Variants in EFL1 observed in about 807,000 individuals in gnomAD.
The protein encoded by EFL1 is elongation factor like GTPase 1, also known as elongation factor-like GTPase 1.
In EFL1, 76 loss-of-function variants were observed where a neutral mutation model predicts 126.7. The observed-to-expected ratio is 0.60, with a 90% CI of 0.50 to 0.73. The LOEUF (loss-of-function observed/expected upper bound fraction) is 0.73, where lower values mean the gene tolerates loss of function less well. Among genes scored for constraint, EFL1 ranks in the 30% least tolerant of loss-of-function variants. EFL1 has a pLI of 0.00. For missense variants in EFL1, 1,128 were observed against 1,343.2 expected, an observed-to-expected ratio of 0.84 and a Z score of 2.50; for synonymous variants, 410 against 448.4, an observed-to-expected ratio of 0.91 and a Z score of 1.08.
chr15:82,232,895 T>C (rs1435710013), intron 7 of EFL1, among the ~76,000 whole-genome samples: 1 of 152,150 alleles, frequency 6.6e-6, no homozygotes, highest in African/African-American at 2.4e-5. Context: ...GTGGTTTCTA[T>C]TCTTCCAGGA....
intron 15 of EFL1, among the ~76,000 whole-genome samples, chr15:82,203,069 C>T (rs1156875068): frequency 6.6e-6 from 1 of 152,094 alleles, no homozygotes; most frequent in African/African-American, 2.4e-5. Context: ...CCTCAGTCTC[C>T]CATAATGCTG....
chr15:82,180,061 G>A (rs757011877), intron 15 of EFL1, among the ~76,000 whole-genome samples: 1 of 152,162 alleles, frequency 6.6e-6, no homozygotes, highest in African/African-American at 2.4e-5. Flanking sequence ...AACTGTGAGA[G>A]AGTACTAACT....
At chr15:82,260,655 C>T (rs2075104791) in intron 2 of EFL1, among the ~76,000 whole-genome samples, 1 of 152,156 alleles carries the variant, frequency 6.6e-6, no homozygotes, top group African/African-American at 2.4e-5. Flanking sequence ...GTATAGTTTT[C>T]ATCCTGTTTT....
chr15:82,241,479 G>A, intron 4 of EFL1, 76 bp from the exon 5 acceptor site: 1 of 1,486,052 alleles, frequency 6.7e-7, no homozygotes, highest in Non-Finnish European at 9.0e-7. Context: ...TCTAGAATAA[G>A]AAAGCTGAAA....
intron 18 of EFL1, among the ~76,000 whole-genome samples, chr15:82,150,251 AAAAC>A (rs1398723476): frequency 2.0e-5 from 3 of 152,322 alleles, no homozygotes; most frequent in Non-Finnish European, 2.9e-5. Flanking sequence ...TTTGGGAAAA[AAAAC>A]AAACAAACTT....
At chr15:82,185,169 C>CTGTGTGTGTG (rs71156029) in intron 15 of EFL1, among the ~76,000 whole-genome samples, 17 of 139,990 alleles carry the variant, frequency 1.2e-4, no homozygotes, top group Admixed American at 2.8e-4. Flanking sequence ...TCATGTGTGG[C>CTGTGTGTGTG]TGTGTGTGTG....
At chr15:82,209,404 T>C (rs531615633) in intron 15 of EFL1, among the ~76,000 whole-genome samples, 1 of 151,520 alleles carries the variant, frequency 6.6e-6, no homozygotes, top group African/African-American at 2.4e-5. Context: ...ATGGCAGACC[T>C]AAAACCAGTT....
intron 4 of EFL1, among the ~76,000 whole-genome samples, 161 bp from the exon 5 acceptor site, chr15:82,241,564 C>T (rs1328599652): frequency 6.6e-6 from 1 of 152,224 alleles, no homozygotes; most frequent in Non-Finnish European, 1.5e-5. Flanking sequence ...ACTTTTCCCA[C>T]TGATGGGACT....
chr15:82,224,773 C>A (rs1482300520), intron 12 of EFL1, among the ~76,000 whole-genome samples: 1 of 152,182 alleles, frequency 6.6e-6, no homozygotes, highest in East Asian at 1.9e-4. Flanking sequence ...CACCTGTGCA[C>A]ACATAATACA....
At chr15:82,147,604 T>C (rs2073861615) in intron 18 of EFL1, among the ~76,000 whole-genome samples, 1 of 134,922 alleles carries the variant, frequency 7.4e-6, no homozygotes, top group Non-Finnish European at 1.5e-5. Context: ...ATTGTGCCAC[T>C]GCAGTCCAGC....
At chr15:82,153,764 C>T (rs1381682048) in intron 17 of EFL1, among the ~76,000 whole-genome samples, 1 of 152,088 alleles carries the variant, frequency 6.6e-6, no homozygotes, top group Admixed American at 6.6e-5. Context: ...TGTATTAGAT[C>T]TGTTAATACC....
chr15:82,257,557 T>A (rs1441035987), intron 3 of EFL1, among the ~76,000 whole-genome samples: 1 of 152,192 alleles, frequency 6.6e-6, no homozygotes, highest in Non-Finnish European at 1.5e-5. Flanking sequence ...ATTGTCTATA[T>A]TGCTAGTAAT....
At position 82,228,353 on chromosome 15, in the gene EFL1, G is replaced by A. The variant is rs555186406; in HGVS notation, c.933-26C>T. 1.1e-4 allele frequency: 169 copies of A among 1,608,790 alleles called. 1 individual carries two copies. The East Asian group carries it at 3.5e-3, about 34-fold the overall frequency. ...CTGTGGTAAACACAAGATTGGAGAG[G>A]GGAAATGTCATATGCAGATATAAAC... On this transcript the variant is annotated intron_variant, in intron 9 of 19. Coordinates refer to ENST00000268206, the MANE Select transcript of EFL1 (RefSeq NM_024580.6).
chr15:82,211,549 T>TATACACACAC (rs550359757), intron 15 of EFL1, among the ~76,000 whole-genome samples: 1 of 94,348 alleles, frequency 1.1e-5, no homozygotes, highest in Non-Finnish European at 2.0e-5. Context: ...AAAATCTATA[T>TATACACACAC]ACACACACAC....
chr15:82,262,455 G>C (rs1270972669), intron 1 of EFL1, 159 bp downstream of exon 1: 1 of 185,598 alleles, frequency 5.4e-6, no homozygotes, highest in African/African-American at 2.4e-5. Flanking sequence ...CGACCGCCCC[G>C]GCCCCAGACG....
chr15:82,169,386 G>A (rs1243433566), intron 15 of EFL1, among the ~76,000 whole-genome samples: 1 of 151,926 alleles, frequency 6.6e-6, no homozygotes, highest in African/African-American at 2.4e-5. Context: ...ATCCTTTCTT[G>A]GAGCATAAAT....
At chr15:82,220,021 C>A in intron 13 of EFL1, 57 bp downstream of exon 13, 1 of 1,537,276 alleles carries the variant, frequency 6.5e-7, no homozygotes, top group Non-Finnish European at 8.7e-7. Flanking sequence ...GATGAGTGTC[C>A]CAAGTTAAGC....
chr15:82,133,810 T>C (rs1041952570), intron 19 of EFL1, among the ~76,000 whole-genome samples: 1 of 152,192 alleles, frequency 6.6e-6, no homozygotes, highest in Non-Finnish European at 1.5e-5. Context: ...AGGGGTGGTG[T>C]CTGTTTCCTC....
intron 15 of EFL1, among the ~76,000 whole-genome samples, chr15:82,202,386 C>T (rs571570901): frequency 6.6e-6 from 1 of 152,082 alleles, no homozygotes; most frequent in Non-Finnish European, 1.5e-5. Context: ...TAATTAAGTG[C>T]TTCACTTATC....
Sources: allele counts gnomAD v4.1 joint callset (sites outside exome capture counted in the v4.1 genomes callset), GRCh38; gene constraint gnomAD v4.1.1; transcripts MANE v1.5; gene names NCBI Gene and HGNC (gene_info 2026-07-23, HGNC 2026-07-21).